Variants in SIRT1 observed in about 807,000 individuals in gnomAD.
SIRT1 encodes sirtuin 1.
Under a neutral mutation model 67.9 loss-of-function variants are expected in SIRT1, and 24 were observed. The ratio of observed to expected loss-of-function variants is 0.35; its 90% CI spans 0.26 to 0.50. The LOEUF (loss-of-function observed/expected upper bound fraction) is 0.50. Among genes scored for constraint, SIRT1 ranks in the 20% least tolerant of loss-of-function variants. SIRT1 has a pLI of 0.98. For missense variants in SIRT1, 873 were observed against 937.2 expected (o/e 0.93, Z 0.89); for synonymous variants, 378 against 350.7 (o/e 1.08, Z -0.87).
intron 4 of SIRT1, among the ~76,000 whole-genome samples, chr10:67,905,362 A>G (rs118166213): frequency 4.3e-4 from 66 of 152,340 alleles, no homozygotes; most frequent in Non-Finnish European, 8.2e-4. Flanking sequence ...TTCCCTTGCT[A>G]CTATATGCAC....
Position 67,884,938 on chromosome 10 carries a change from G to A in SIRT1, c.217G>A (p.Ala73Thr). ...AARGCPGAAAAALWREAEAEA... is the reference protein window; with the variant it reads ...AARGCPGAAATALWREAEAEA... ...CAGGGGCTGCCCGGGTGCGGCGGCG[G>A]CGGCGCTGTGGCGGGAGGCGGAGGC... The change falls in exon 1 of 9, where the codon GCG (alanine) becomes ACG (threonine). Residue 73 changes from alanine (A) to threonine (T), a missense_variant. Ala to Thr is a moderately conservative substitution (Grantham distance 58). Coordinates refer to ENST00000212015, the MANE Select transcript of SIRT1 (RefSeq NM_012238.5). 35 of 1,249,732 alleles carry A rather than the reference G, an allele frequency of 2.8e-5. No homozygotes were observed. The highest frequency in any genetic ancestry group is 3.5e-5 in the Non-Finnish European group (35 of 997,330). The allele number at this position is 1,249,732 out of a possible 1,614,324, so 77.4% of individuals were successfully genotyped here.
rs768090315 is a variant in SIRT1, at chr10:67,888,952, G to A, written c.618G>A (p.Leu206=). Residue 206 remains leucine (L), a synonymous_variant, in exon 3 of 9, where the codon TTG becomes TTA. Coordinates refer to ENST00000212015, the MANE Select transcript of SIRT1 (RefSeq NM_012238.5). The part of the protein sequence containing the change: ...TDPRTILKDL[L]PETIPPPELD... ...CTCGAACAATTCTTAAAGATTTATTGCCGGAAACAATACCTCCACCTGAGT... is the reference window on the plus strand; with the variant it reads ...CTCGAACAATTCTTAAAGATTTATTACCGGAAACAATACCTCCACCTGAGT... 6.2e-7 allele frequency: 1 copy of A among 1,613,800 alleles called. No homozygotes were observed. The highest frequency in any genetic ancestry group is 8.5e-7 in the Non-Finnish European group (1 of 1,179,888).
intron 5 of SIRT1, 35 bp from the exon 6 acceptor site, chr10:67,908,011 C>A (rs200458851): frequency 6.5e-7 from 1 of 1,540,916 alleles, no homozygotes. Context: ...AGAAATACTT[C>A]TTTAATAAAG....
At chr10:67,891,949 C>T (rs1156440961) in intron 4 of SIRT1, among the ~76,000 whole-genome samples, 2 of 152,070 alleles carry the variant, frequency 1.3e-5, no homozygotes, top group African/African-American at 4.8e-5. Flanking sequence ...TAAGGATGTG[C>T]CTGAAAAATC....
At chr10:67,893,185 T>G (rs1178241237) in intron 4 of SIRT1, among the ~76,000 whole-genome samples, 1 of 152,228 alleles carries the variant, frequency 6.6e-6, no homozygotes, top group Non-Finnish European at 1.5e-5. Flanking sequence ...ATGCGCAGAT[T>G]TGTTAACATA....
At chr10:67,915,055 A>G (rs748617334) in intron 8 of SIRT1, among the ~76,000 whole-genome samples, 5 of 151,814 alleles carry the variant, frequency 3.3e-5, no homozygotes, top group African/African-American at 4.8e-5. Flanking sequence ...CATGAGTACT[A>G]TGTGTCTGTT....
intron 3 of SIRT1, among the ~76,000 whole-genome samples, chr10:67,889,970 T>C (rs1346162174): frequency 6.7e-6 from 1 of 148,948 alleles, no homozygotes; most frequent in Non-Finnish European, 1.5e-5. Flanking sequence ...TGAAATATTA[T>C]ACACCTTTTT....
chr10:67,897,591 T>C (rs1052226051), intron 4 of SIRT1, among the ~76,000 whole-genome samples: 3 of 152,052 alleles, frequency 2.0e-5, no homozygotes, highest in African/African-American at 7.2e-5. Context: ...CTCGAACTCT[T>C]GACCTTGTGA....
chr10:67,899,332 A>C lies in SIRT1; in HGVS notation c.943-7458A>C, dbSNP rs560305694. Among the ~76,000 whole-genome samples the C allele has an allele frequency of 3.3e-5, 5 of 151,036 alleles. No homozygotes were observed. The South Asian group carries it at 1.0e-3, about 31-fold the overall frequency. On this transcript the variant is annotated intron_variant, in intron 4 of 8. Coordinates refer to ENST00000212015, the MANE Select transcript of SIRT1 (RefSeq NM_012238.5). ...AAAAAAAAGTTATATAAATATATATAATTATATATATATTTGAGACAGGGC... is the reference window on the plus strand; with the variant it reads ...AAAAAAAAGTTATATAAATATATATCATTATATATATATTTGAGACAGGGC...
At chr10:67,908,705 C>A (rs1186820241) in intron 6 of SIRT1, among the ~76,000 whole-genome samples, 1 of 152,082 alleles carries the variant, frequency 6.6e-6, no homozygotes, top group Non-Finnish European at 1.5e-5. Flanking sequence ...GAAGTGAGAC[C>A]AGCCTGGCCA....
At chr10:67,903,063 A>G (rs1192671643) in intron 4 of SIRT1, among the ~76,000 whole-genome samples, 1 of 152,136 alleles carries the variant, frequency 6.6e-6, no homozygotes, top group Admixed American at 6.5e-5. Context: ...ATTGCACTCC[A>G]TCCTGGGTGA....
intron 7 of SIRT1, among the ~76,000 whole-genome samples, chr10:67,912,087 C>T (rs1429361450): frequency 1.3e-5 from 2 of 152,086 alleles, no homozygotes; most frequent in Non-Finnish European, 2.9e-5. Context: ...TCAGGAGCTA[C>T]TTAAGTAGAA....
At chr10:67,909,549 T>C (rs1842868770) in intron 7 of SIRT1, 107 bp downstream of exon 7, 2 of 909,980 alleles carry the variant, frequency 2.2e-6, no homozygotes, top group African/African-American at 3.5e-5. Flanking sequence ...TTTGAAAGAG[T>C]GGTGAAGAGC....
intron 3 of SIRT1, among the ~76,000 whole-genome samples, chr10:67,890,262 G>T (rs1424832543): frequency 6.6e-6 from 1 of 152,074 alleles, no homozygotes; most frequent in Admixed American, 6.6e-5. Context: ...CACCATATTG[G>T]CCAGGCTGGT....
intron 4 of SIRT1, among the ~76,000 whole-genome samples, chr10:67,901,980 ATTTGTTTTTGTT>A (rs72486821): frequency 1.3e-4 from 20 of 151,330 alleles, no homozygotes; most frequent in African/African-American, 4.6e-4. Flanking sequence ...GGTATACAAT[ATTTGTTTTTGTT>A]TTTGTTTTTG....
rs1287332193 is a variant in SIRT1, at chr10:67,916,436, A to G, written c.2087A>G (p.Glu696Gly). 1 of 1,614,074 alleles carries G rather than the reference A, an allele frequency of 6.2e-7. No individual in the cohort carries two copies. ...CCCATGGAGGATGAAAGTGAAATTGAAGAATTCTACAATGGCTTAGAAGAT... is the reference window on the plus strand; with the variant it reads ...CCCATGGAGGATGAAAGTGAAATTGGAGAATTCTACAATGGCTTAGAAGAT... ...EEPMEDESEI[E>G]EFYNGLEDEP... The change falls in exon 9 of 9, where the codon GAA (glutamate) becomes GGA (glycine). Residue 696 changes from glutamate to glycine, a missense_variant. By Grantham distance (98) the Glu-to-Gly change is moderately conservative. Transcript: ENST00000212015.
chr10:67,888,318 T>A (rs1842518261), intron 2 of SIRT1, among the ~76,000 whole-genome samples: 1 of 152,166 alleles, frequency 6.6e-6, no homozygotes, highest in Non-Finnish European at 1.5e-5. Flanking sequence ...TATTTATTTA[T>A]TTTTGTTTTC....
chr10:67,914,059 A>ATTTTTTTTTTTTT (rs57073724), intron 8 of SIRT1, among the ~76,000 whole-genome samples: 3 of 88,234 alleles, frequency 3.4e-5, no homozygotes, highest in African/African-American at 1.5e-4. Flanking sequence ...CAAAAGGTAG[A>ATTTTTTTTTTTTT]TTTTTTTTTT....
At chr10:67,895,229 G>C (rs1219625395) in intron 4 of SIRT1, among the ~76,000 whole-genome samples, 1 of 152,104 alleles carries the variant, frequency 6.6e-6, no homozygotes, top group African/African-American at 2.4e-5. Flanking sequence ...AGACCAGCCT[G>C]GCCAACACAG....
Sources: allele counts gnomAD v4.1 joint callset (sites outside exome capture counted in the v4.1 genomes callset), GRCh38; gene constraint gnomAD v4.1.1; transcripts MANE v1.5; gene names NCBI Gene and HGNC (gene_info 2026-07-23, HGNC 2026-07-21).